COMMD1: variants seen among roughly 807,000 people sequenced by gnomAD.
COMMD1 encodes the protein copper metabolism domain containing 1, also known as COMM domain-containing protein 1.
COMMD1 carries 10 observed loss-of-function variants against 17.2 expected under a neutral mutation model. That is an observed-to-expected ratio of 0.58 (90% CI 0.36 to 0.99). COMMD1 has a LOEUF of 0.99. Ranked by LOEUF, COMMD1 falls within the 50% of genes least tolerant of loss-of-function variation. COMMD1 has a pLI of 0.01. For synonymous variants in COMMD1, 97 were observed against 91.6 expected, an observed-to-expected ratio of 1.06 and a Z score of -0.34; for missense variants, 270 against 231.8, an observed-to-expected ratio of 1.17 and a Z score of -1.07.
chr2:62,097,209 G>T (rs527630554), intron 2 of COMMD1, among the ~76,000 whole-genome samples: 5 of 152,278 alleles, frequency 3.3e-5, no homozygotes, highest in African/African-American at 1.2e-4. Flanking sequence ...GTCCCATTTG[G>T]CTTTTTAACT....
intron 1 of COMMD1, among the ~76,000 whole-genome samples, chr2:61,931,508 G>C (rs1263026285): frequency 6.6e-6 from 1 of 152,172 alleles, no homozygotes; most frequent in African/African-American, 2.4e-5. Flanking sequence ...AGTTCTCATG[G>C]GCAGAGCCTC....
chr2:62,003,675 G>A (rs1206098136), intron 2 of COMMD1, among the ~76,000 whole-genome samples: 1 of 150,624 alleles, frequency 6.6e-6, no homozygotes, highest in Non-Finnish European at 1.5e-5. Flanking sequence ...AAGTACACTT[G>A]GATATCTAAG....
intron 2 of COMMD1, among the ~76,000 whole-genome samples, chr2:62,040,671 G>C (rs973802976): frequency 1.3e-5 from 2 of 152,064 alleles, no homozygotes; most frequent in East Asian, 3.9e-4. Flanking sequence ...TTTTGGTTGT[G>C]TCATAGTCTT....
intron 2 of COMMD1, among the ~76,000 whole-genome samples, chr2:62,031,254 A>G (rs991573889): frequency 1.3e-5 from 2 of 152,224 alleles, no homozygotes; most frequent in South Asian, 2.1e-4. Flanking sequence ...CCTCTGTATA[A>G]CAGAAGACAA....
At chr2:61,944,185 C>T (rs1306805003) in intron 1 of COMMD1, among the ~76,000 whole-genome samples, 4 of 152,060 alleles carry the variant, frequency 2.6e-5, no homozygotes, top group Admixed American at 2.6e-4. Flanking sequence ...GGTGTGGTGG[C>T]TTATGCCTAT....
intron 1 of COMMD1, among the ~76,000 whole-genome samples, chr2:61,926,175 G>A (rs1670325893): frequency 6.6e-6 from 1 of 152,062 alleles, no homozygotes; most frequent in Non-Finnish European, 1.5e-5. Context: ...GTTTCACTGT[G>A]TTAGCCAGAA....
intron 2 of COMMD1, among the ~76,000 whole-genome samples, chr2:62,075,285 A>T (rs922012635): frequency 8.7e-4 from 133 of 152,184 alleles, no homozygotes; most frequent in Non-Finnish European, 1.7e-3. Context: ...TTTAAAAAAA[A>T]TAAAAACATC....
intron 1 of COMMD1, among the ~76,000 whole-genome samples, chr2:61,959,037 A>T (rs1224648093): frequency 6.6e-6 from 1 of 151,922 alleles, no homozygotes; most frequent in Admixed American, 6.6e-5. Flanking sequence ...AACTCATTGT[A>T]CTAGTTTTAC....
intron 1 of COMMD1, among the ~76,000 whole-genome samples, chr2:61,976,543 A>G (rs911864183): frequency 4.6e-5 from 7 of 152,242 alleles, no homozygotes; most frequent in Admixed American, 4.6e-4. Flanking sequence ...GCAAGGAGAA[A>G]TAGATGAATC....
chr2:62,046,397 A>G (rs1039766965), intron 2 of COMMD1, among the ~76,000 whole-genome samples: 1 of 152,246 alleles, frequency 6.6e-6, no homozygotes, highest in African/African-American at 2.4e-5. Flanking sequence ...CTAAGTAACT[A>G]AAAGTCAAGG....
chr2:62,082,168 G>A (rs1220789865), intron 2 of COMMD1, among the ~76,000 whole-genome samples: 1 of 152,122 alleles, frequency 6.6e-6, no homozygotes, highest in Admixed American at 6.6e-5. Flanking sequence ...ACAAAAGCTT[G>A]TATACATTTC....
chr2:61,932,835 G>T (rs912740937), intron 1 of COMMD1, among the ~76,000 whole-genome samples: 1 of 152,182 alleles, frequency 6.6e-6, no homozygotes, highest in South Asian at 2.1e-4. Context: ...TAGGTTCTGT[G>T]TGGACCCCGT....
At chr2:62,030,306 A>G (rs1203491629) in intron 2 of COMMD1, among the ~76,000 whole-genome samples, 1 of 152,110 alleles carries the variant, frequency 6.6e-6, no homozygotes, top group African/African-American at 2.4e-5. Context: ...CACCTTGGGG[A>G]AGGGGGATTC....
chr2:61,930,617 T>TGTGTG (rs1670439160), intron 1 of COMMD1, among the ~76,000 whole-genome samples: 1 of 146,056 alleles, frequency 6.8e-6, no homozygotes, highest in Non-Finnish European at 1.5e-5. Context: ...CCACAGGGTT[T>TGTGTG]TGTGTGTGTG....
At chr2:62,000,375 G>A (rs1036401503) in intron 1 of COMMD1, among the ~76,000 whole-genome samples, 1 of 151,320 alleles carries the variant, frequency 6.6e-6, no homozygotes, top group Non-Finnish European at 1.5e-5. Context: ...CGGTTGAAGC[G>A]ATTCTTGTGT....
At chr2:61,908,609 A>G (rs1225345544) in intron 1 of COMMD1, among the ~76,000 whole-genome samples, 2 of 150,366 alleles carry the variant, frequency 1.3e-5, no homozygotes, top group African/African-American at 2.5e-5. Flanking sequence ...TGCCCAGGCC[A>G]GAGTGCAGTG....
chr2:61,989,027 G>A (rs762137110), intron 1 of COMMD1, among the ~76,000 whole-genome samples: 7 of 152,178 alleles, frequency 4.6e-5, no homozygotes, highest in Non-Finnish European at 7.4e-5. Context: ...GAAGGGTGGT[G>A]TCGGAAATTA....
chr2:62,061,026 G>A (rs139141333), intron 2 of COMMD1, among the ~76,000 whole-genome samples: 266 of 151,864 alleles, frequency 1.8e-3, no homozygotes, highest in African/African-American at 5.6e-3. Context: ...TTTTACCTCA[G>A]ATATATTTTT....
intron 1 of COMMD1, among the ~76,000 whole-genome samples, chr2:61,907,919 G>C (rs1669812655): frequency 6.6e-6 from 1 of 152,130 alleles, no homozygotes; most frequent in Admixed American, 6.6e-5. Flanking sequence ...TTGAACTCCT[G>C]ATAGCTGATC....
Sources: gnomAD v4.1 joint callset for allele counts (sites outside exome capture counted in the v4.1 genomes callset) on GRCh38, gnomAD v4.1.1 for gene constraint, MANE v1.5 for transcripts, NCBI Gene and HGNC (gene_info 2026-07-23, HGNC 2026-07-21) for gene names.